The following SMYD1 variants were observed in gnomAD, a reference collection of about 807,000 sequenced individuals.
The protein encoded by SMYD1 is histone-lysine N-methyltransferase SMYD1.
Under a neutral mutation model 54.0 loss-of-function variants are expected in SMYD1, and 49 were observed. The ratio of observed to expected loss-of-function variants is 0.91; its 90% CI spans 0.72 to 1.15. The LOEUF is 1.15. SMYD1 is among the 50% of genes most tolerant of loss of function. SMYD1 has a pLI of 0.00. For synonymous variants in SMYD1, 269 were observed against 234.2 expected (o/e 1.15, Z -1.36); for missense variants, 653 against 639.6 (o/e 1.02, Z -0.23).
chr2:88,099,677 C>A (rs994707813), intron 6 of SMYD1, among the ~76,000 whole-genome samples: 23 of 151,512 alleles, frequency 1.5e-4, no homozygotes, highest in Admixed American at 1.3e-4. Flanking sequence ...GAGCTGAGAT[C>A]GTGCCACTGC....
At chr2:88,081,852 A>G (rs1674204871) in intron 1 of SMYD1, among the ~76,000 whole-genome samples, 2 of 152,230 alleles carry the variant, frequency 1.3e-5, no homozygotes, top group Admixed American at 1.3e-4. Flanking sequence ...TCTGGGCACC[A>G]TAATTGTGAA....
intron 7 of SMYD1, among the ~76,000 whole-genome samples, chr2:88,105,728 A>G (rs1674848484): frequency 1.3e-5 from 2 of 152,162 alleles, no homozygotes; most frequent in South Asian, 2.1e-4. Flanking sequence ...GCCTGAGCTC[A>G]GGAGTTGGAG....
intron 1 of SMYD1, among the ~76,000 whole-genome samples, chr2:88,079,712 TCGGGAGG>T (rs1246407734): frequency 6.6e-6 from 1 of 152,046 alleles, no homozygotes; most frequent in Non-Finnish European, 1.5e-5. Flanking sequence ...TCCCAGCTAC[TCGGGAGG>T]CTGAGGCAGG....
intron 3 of SMYD1, among the ~76,000 whole-genome samples, chr2:88,089,396 G>A (rs1405304103): frequency 1.3e-5 from 2 of 152,068 alleles, no homozygotes; most frequent in East Asian, 3.9e-4. Context: ...AACCACCACA[G>A]CTTCCCATGT....
intron 2 of SMYD1, 73 bp downstream of exon 2, chr2:88,084,565 C>T (rs920578): frequency 0.25 from 359,521 of 1,428,866 alleles, 48,553 homozygotes; most frequent in Middle Eastern, 0.28. Flanking sequence ...TAACAACATT[C>T]CCAGATCTAA....
rs1226160284 is a variant in SMYD1, at chr2:88,108,559, T to A, written c.1314+20T>A. 14 of 1,556,494 alleles carry A rather than the reference T, an allele frequency of 9.0e-6. No homozygotes were observed. The highest frequency in any genetic ancestry group is 1.1e-5 in the Non-Finnish European group (13 of 1,149,904). On this transcript the variant is annotated intron_variant, in intron 9 of 9. Coordinates refer to ENST00000419482, the MANE Select transcript of SMYD1 (RefSeq NM_198274.4). ...TTAGAGGCAAGTAGCGTCTTGAGGC[T>A]GGTGTTCCCTTCCTGGCCTGAGCTT... is the stretch of plus-strand genomic sequence containing the variant.
chr2:88,095,322 AGTT>A (rs1674556600), intron 5 of SMYD1, among the ~76,000 whole-genome samples: 2 of 152,152 alleles, frequency 1.3e-5, no homozygotes, highest in South Asian at 4.1e-4. Context: ...GCTCCACAGG[AGTT>A]GTTTTTATAC....
chr2:88,071,569 A>C (rs1408026984), intron 1 of SMYD1, among the ~76,000 whole-genome samples: 1 of 152,182 alleles, frequency 6.6e-6, no homozygotes, highest in Non-Finnish European at 1.5e-5. Flanking sequence ...AATCAGGCAC[A>C]CCTTCCTCCT....
chr2:88,108,517 A>G lies in SMYD1; in HGVS notation c.1292A>G (p.His431Arg). ...AILLVTHGPS[H>R]PITKDLEAMR... ...CTCCTGGTGACACACGGACCCTCCCACCCCATCACTAAGGACTTAGAGGCA... is the reference window on the plus strand; with the variant it reads ...CTCCTGGTGACACACGGACCCTCCCGCCCCATCACTAAGGACTTAGAGGCA... Residue 431 changes from histidine (H) to arginine (R), a missense_variant, in exon 9 of 10, where the codon CAC becomes CGC. Physicochemically the swap from His to Arg is conservative, Grantham distance 29. Coordinates refer to ENST00000419482, the MANE Select transcript of SMYD1 (RefSeq NM_198274.4). 3 of 1,599,414 alleles carry G rather than the reference A, an allele frequency of 1.9e-6. No homozygotes were observed. The highest frequency in any genetic ancestry group is 2.6e-6 in the Non-Finnish European group (3 of 1,173,372).
chr2:88,100,064 C>A (rs187160550), intron 6 of SMYD1, among the ~76,000 whole-genome samples: 11 of 151,934 alleles, frequency 7.2e-5, no homozygotes, highest in East Asian at 3.9e-4. Flanking sequence ...CTCCTCCCCC[C>A]CTCTTCCTCC....
chr2:88,077,726 T>C (rs1397002534), intron 1 of SMYD1, among the ~76,000 whole-genome samples: 1 of 149,102 alleles, frequency 6.7e-6, no homozygotes, highest in Non-Finnish European at 1.5e-5. Flanking sequence ...GCATTTCTTT[T>C]TTTTTTTTTT....
Position 88,110,564 on chromosome 2 carries a change from C to T in SMYD1, c.*52C>T. ...GTGGCTGGGGAGCTAGGGAGAGACT[C>T]TGGAGGTGGTGGGTCTCTCGGGAGA... On this transcript the variant is annotated 3_prime_UTR_variant, in exon 10 of 10. Coordinates refer to ENST00000419482, the MANE Select transcript of SMYD1 (RefSeq NM_198274.4). The T allele has an allele frequency of 6.7e-7, 1 of 1,494,880 alleles. No individual in the cohort carries two copies. The highest frequency in any genetic ancestry group is 1.3e-5 in the South Asian group (1 of 75,598). The allele number at this position is 1,494,880 out of a possible 1,614,324, so 92.6% of individuals were successfully genotyped here. A position where few individuals can be genotyped will look rare whatever the true frequency, so the allele number is the denominator to read the frequency against.
At chr2:88,083,792 G>T (rs752633411) in intron 1 of SMYD1, among the ~76,000 whole-genome samples, 67 of 152,078 alleles carry the variant, frequency 4.4e-4, no homozygotes, top group Admixed American at 2.4e-3. Flanking sequence ...CTTCACATGG[G>T]GGTCACTTAA....
chr2:88,073,236 A>AT (rs1223627750), intron 1 of SMYD1, among the ~76,000 whole-genome samples: 1 of 152,128 alleles, frequency 6.6e-6, no homozygotes, highest in Non-Finnish European at 1.5e-5. Flanking sequence ...AAAGGACGTG[A>AT]TTTTGTTCTT....
chr2:88,099,983 T>A (rs1465700146), intron 6 of SMYD1, among the ~76,000 whole-genome samples: 1 of 143,074 alleles, frequency 7.0e-6, no homozygotes, highest in African/African-American at 2.7e-5. Context: ...CTATGGCTCC[T>A]CCCTTCTCCT....
chr2:88,104,031 A>G (rs1674791558), intron 7 of SMYD1, among the ~76,000 whole-genome samples: 1 of 149,164 alleles, frequency 6.7e-6, no homozygotes, highest in African/African-American at 2.5e-5. Context: ...CAGTGGCACG[A>G]TTTCGGCTCA....
At chr2:88,089,132 G>A (rs1674406783) in intron 3 of SMYD1, among the ~76,000 whole-genome samples, 1 of 152,178 alleles carries the variant, frequency 6.6e-6, no homozygotes. Context: ...TGGAGATCAG[G>A]GAAGTGTTGC....
At chr2:88,099,920 C>T (rs1674681655) in intron 6 of SMYD1, among the ~76,000 whole-genome samples, 1 of 150,186 alleles carries the variant, frequency 6.7e-6, no homozygotes, top group Non-Finnish European at 1.5e-5. Flanking sequence ...GTCCTCTGGC[C>T]CCTCCCCTTA....
At chr2:88,079,893 C>A (rs760908825) in intron 1 of SMYD1, among the ~76,000 whole-genome samples, 1 of 152,172 alleles carries the variant, frequency 6.6e-6, no homozygotes, top group East Asian at 1.9e-4. Context: ...TTCTAAACAA[C>A]GTCAAGGATA....
Sources: gnomAD v4.1 joint callset for allele counts (sites outside exome capture counted in the v4.1 genomes callset) on GRCh38, gnomAD v4.1.1 for gene constraint, MANE v1.5 for transcripts, NCBI Gene and HGNC (gene_info 2026-07-23, HGNC 2026-07-21) for gene names.